Variants in RIT2 observed in about 807,000 individuals in gnomAD.
The protein encoded by RIT2 is GTP-binding protein Rit2.
In RIT2, 24 loss-of-function variants were observed where a neutral mutation model predicts 23.7. That is an observed-to-expected ratio of 1.01 (90% CI 0.73 to 1.43). The LOEUF (loss-of-function observed/expected upper bound fraction) is 1.43. Ranked by LOEUF, RIT2 falls within the 40% of genes most tolerant of loss-of-function variation. RIT2 has a pLI of 0.00. For synonymous variants in RIT2, 107 were observed against 91.1 expected, an observed-to-expected ratio of 1.17 and a Z score of -0.99; for missense variants, 236 against 266.9, an observed-to-expected ratio of 0.88 and a Z score of 0.81.
intron 4 of RIT2, among the ~76,000 whole-genome samples, chr18:42,780,841 A>G (rs1455382619): frequency 7.0e-6 from 1 of 142,606 alleles, no homozygotes; most frequent in Non-Finnish European, 1.5e-5. Context: ...TTTTTTACCC[A>G]TTGGCCAAGA....
intron 4 of RIT2, among the ~76,000 whole-genome samples, chr18:42,885,897 C>T (rs1318605105): frequency 6.6e-6 from 1 of 152,160 alleles, no homozygotes; most frequent in African/African-American, 2.4e-5. Context: ...TCTCCAAGGG[C>T]CTAGCCATAG....
chr18:43,102,626 T>G (rs867528781), intron 1 of RIT2, among the ~76,000 whole-genome samples: 11 of 151,614 alleles, frequency 7.3e-5, no homozygotes, highest in African/African-American at 2.4e-4. Flanking sequence ...ATGCTCAGTT[T>G]TTTTTAATTC....
intron 1 of RIT2, among the ~76,000 whole-genome samples, chr18:43,060,607 T>A (rs192997212): frequency 3.3e-5 from 5 of 152,256 alleles, no homozygotes; most frequent in Admixed American, 2.0e-4. Context: ...CCAATGATGT[T>A]AACTCCATTG....
intron 4 of RIT2, among the ~76,000 whole-genome samples, chr18:42,916,013 T>C (rs977196255): frequency 2.0e-5 from 3 of 152,008 alleles, no homozygotes; most frequent in Non-Finnish European, 2.9e-5. Flanking sequence ...TATGCTCTTA[T>C]AGTGTCCCAA....
At chr18:42,927,946 C>A (rs748387327) in intron 3 of RIT2, among the ~76,000 whole-genome samples, 1 of 151,950 alleles carries the variant, frequency 6.6e-6, no homozygotes, top group Non-Finnish European at 1.5e-5. Flanking sequence ...AATGTAGGAA[C>A]TAGACCAGCT....
At chr18:42,992,353 G>A (rs1910872024) in intron 2 of RIT2, among the ~76,000 whole-genome samples, 2 of 152,080 alleles carry the variant, frequency 1.3e-5, no homozygotes, top group South Asian at 4.1e-4. Flanking sequence ...GTCGTAAAAT[G>A]GGCAAATGGT....
intron 4 of RIT2, among the ~76,000 whole-genome samples, chr18:42,788,570 A>G (rs1458955910): frequency 2.6e-5 from 4 of 152,196 alleles, no homozygotes; most frequent in African/African-American, 9.6e-5. Context: ...GTATTTTATT[A>G]TGTAATTTCA....
At chr18:42,746,289 A>T (rs1047358361) in intron 4 of RIT2, among the ~76,000 whole-genome samples, 2 of 152,126 alleles carry the variant, frequency 1.3e-5, no homozygotes, top group African/African-American at 2.4e-5. Flanking sequence ...TTTTAAAAGA[A>T]TAATTCAACT....
intron 4 of RIT2, among the ~76,000 whole-genome samples, chr18:42,821,039 C>A (rs1166688183): frequency 6.6e-6 from 1 of 152,074 alleles, no homozygotes; most frequent in African/African-American, 2.4e-5. Context: ...CTTCATCTTC[C>A]CCCATGAATA....
intron 1 of RIT2, among the ~76,000 whole-genome samples, chr18:43,036,251 A>G (rs1005127588): frequency 4.6e-5 from 7 of 152,184 alleles, no homozygotes; most frequent in Non-Finnish European, 1.0e-4. Context: ...ATTTATAAGA[A>G]CACCTAGGCC....
At chr18:42,814,872 C>A (rs1024637965) in intron 4 of RIT2, among the ~76,000 whole-genome samples, 7 of 152,288 alleles carry the variant, frequency 4.6e-5, no homozygotes, top group South Asian at 2.1e-4. Flanking sequence ...CCCCCAGTAC[C>A]AGCCTGGAGC....
chr18:42,841,944 C>T (rs1358965825), intron 4 of RIT2, among the ~76,000 whole-genome samples: 1 of 152,186 alleles, frequency 6.6e-6, no homozygotes, highest in Non-Finnish European at 1.5e-5. Context: ...CTGCATCCTG[C>T]ATTCACATAA....
At chr18:42,940,236 C>CTACATA (rs1909562640) in intron 3 of RIT2, among the ~76,000 whole-genome samples, 1 of 86,992 alleles carries the variant, frequency 1.1e-5, no homozygotes, top group African/African-American at 4.4e-5. Flanking sequence ...GAAAGGCTCA[C>CTACATA]TATATATATA....
chr18:42,929,061 A>ATATATATATATATATC (rs1568032670), intron 3 of RIT2, among the ~76,000 whole-genome samples: 3 of 146,624 alleles, frequency 2.0e-5, no homozygotes, highest in African/African-American at 7.4e-5. Context: ...ATATATATTT[A>ATATATATATATATATC]TATGAGACAA....
At chr18:42,931,794 A>G (rs549772584) in intron 3 of RIT2, among the ~76,000 whole-genome samples, 4 of 152,264 alleles carry the variant, frequency 2.6e-5, no homozygotes, top group South Asian at 4.1e-4. Context: ...GTCATTCCCA[A>G]TGTGATACTG....
At chr18:42,835,836 G>A (rs943305212) in intron 4 of RIT2, among the ~76,000 whole-genome samples, 26 of 152,042 alleles carry the variant, frequency 1.7e-4, no homozygotes, top group African/African-American at 5.6e-4. Flanking sequence ...ACTGTTGTTT[G>A]CTCAATATGG....
At chr18:42,979,589 A>G (rs772895341) in intron 2 of RIT2, among the ~76,000 whole-genome samples, 5 of 152,166 alleles carry the variant, frequency 3.3e-5, no homozygotes, top group Non-Finnish European at 5.9e-5. Context: ...TTGTAGGTAC[A>G]TATGTGTGTC....
chr18:42,848,829 A>C (rs1406914788), intron 4 of RIT2, among the ~76,000 whole-genome samples: 1 of 152,138 alleles, frequency 6.6e-6, no homozygotes, highest in Non-Finnish European at 1.5e-5. Flanking sequence ...GAATAGTTTG[A>C]TGATTGAAGC....
At position 43,098,483 on chromosome 18, in the gene RIT2, A is replaced by C. The variant is rs117447883; in HGVS notation, c.103+16934T>G. Among the ~76,000 whole-genome samples the C allele has an allele frequency of 6.9e-3, 1,048 of 152,004 alleles. 7 individuals carry two copies. The highest frequency in any genetic ancestry group is 9.1e-3 in the Non-Finnish European group (618 of 67,846). On this transcript the variant is annotated intron_variant, in intron 1 of 4. Transcript: ENST00000326695. ...GTAACACACAGGGATGTAAATAATA[A>C]ATGCTTTTATTGAAGTAAGGGAGAA...
Sources: allele counts gnomAD v4.1 joint callset (sites outside exome capture counted in the v4.1 genomes callset), GRCh38; gene constraint gnomAD v4.1.1; transcripts MANE v1.5; gene names NCBI Gene and HGNC (gene_info 2026-07-23, HGNC 2026-07-21).